The following PLD1 variants were observed in gnomAD, a reference collection of about 807,000 sequenced individuals.
The protein encoded by PLD1 is choline phosphatase 1.
PLD1 carries 112 observed loss-of-function variants against 137.1 expected under a neutral mutation model. That is an observed-to-expected ratio of 0.82 (90% CI 0.70 to 0.96). The LOEUF (loss-of-function observed/expected upper bound fraction) is 0.96, where lower values mean the gene tolerates loss of function less well. PLD1 is among the 40% of genes least tolerant of loss of function. PLD1 has a pLI of 0.00. For missense variants in PLD1, 1,321 were observed against 1,342.0 expected, an observed-to-expected ratio of 0.98 and a Z score of 0.24; for synonymous variants, 431 against 454.7, an observed-to-expected ratio of 0.95 and a Z score of 0.66.
chr3:171,666,503 AT>A (rs1333972666), intron 19 of PLD1, among the ~76,000 whole-genome samples: 3 of 152,228 alleles, frequency 2.0e-5, no homozygotes, highest in African/African-American at 7.2e-5. Context: ...TCAAGGTGAG[AT>A]TTGTGTGGAA....
chr3:171,756,864 C>G (rs1362930166), intron 1 of PLD1, among the ~76,000 whole-genome samples: 1 of 152,196 alleles, frequency 6.6e-6, no homozygotes, highest in African/African-American at 2.4e-5. Context: ...TCCGTCAATA[C>G]ACTAAAAATC....
chr3:171,775,371 A>G (rs1306197979), intron 1 of PLD1, among the ~76,000 whole-genome samples: 1 of 152,110 alleles, frequency 6.6e-6, no homozygotes, highest in African/African-American at 2.4e-5. Context: ...TGACATATTT[A>G]CTTCTTTGCA....
chr3:171,624,875 A>G (rs1367876329), intron 23 of PLD1, among the ~76,000 whole-genome samples: 1 of 152,192 alleles, frequency 6.6e-6, no homozygotes, highest in East Asian at 1.9e-4. Flanking sequence ...AAGAAACACA[A>G]CAAGATTAAC....
intron 19 of PLD1, among the ~76,000 whole-genome samples, chr3:171,669,425 C>T (rs946739267): frequency 6.6e-6 from 1 of 152,026 alleles, no homozygotes; most frequent in African/African-American, 2.4e-5. Flanking sequence ...GTTTTTTAGA[C>T]GAGTTTTGCT....
At chr3:171,684,954 C>T (rs1415970322) in intron 16 of PLD1, among the ~76,000 whole-genome samples, 1 of 152,198 alleles carries the variant, frequency 6.6e-6, no homozygotes, top group African/African-American at 2.4e-5. Context: ...TTAACAGTTA[C>T]ACTGAAGTTT....
intron 1 of PLD1, among the ~76,000 whole-genome samples, chr3:171,785,360 T>C (rs921579786): frequency 3.9e-5 from 6 of 152,096 alleles, no homozygotes; most frequent in African/African-American, 9.7e-5. Flanking sequence ...CAAAATACTG[T>C]GTCATGTCAA....
At chr3:171,657,696 G>T (rs12107937) in intron 21 of PLD1, among the ~76,000 whole-genome samples, 3 of 151,842 alleles carry the variant, frequency 2.0e-5, no homozygotes, top group Non-Finnish European at 4.4e-5. Flanking sequence ...ATTCCCAGGA[G>T]AAAACAGGCA....
chr3:171,621,705 G>C (rs771016291), intron 23 of PLD1, among the ~76,000 whole-genome samples: 1 of 152,184 alleles, frequency 6.6e-6, no homozygotes, highest in South Asian at 2.1e-4. Context: ...CCATGTGTAA[G>C]AGATGCATTT....
At chr3:171,610,967 G>A (rs1560141834) in intron 25 of PLD1, among the ~76,000 whole-genome samples, 1 of 152,200 alleles carries the variant, frequency 6.6e-6, no homozygotes, top group African/African-American at 2.4e-5. Flanking sequence ...CCGAAGTCTG[G>A]ATTGGTAGGA....
Position 171,620,641 on chromosome 3 carries a change from GTA to G in PLD1, c.2594-123_2594-122del, listed in dbSNP as rs1398599031. On this transcript the variant is annotated intron_variant, in intron 23 of 26. Transcript: ENST00000351298. Reference sequence around the variant, plus strand: ...GTTCAGAATAGATTGTATATTATATGTATATGTTTTCTATTTCAGAATTCATC... The same window carrying G: ...GTTCAGAATAGATTGTATATTATATGTATGTTTTCTATTTCAGAATTCATC... 5.9e-5 allele frequency: 25 copies of G among 423,500 alleles called. No homozygotes were observed. In the South Asian group the frequency reaches 1.6e-3, roughly 27 times the overall value. The allele number at this position is 423,500 out of a possible 1,614,324, so 26.2% of individuals were successfully genotyped here.
intron 1 of PLD1, among the ~76,000 whole-genome samples, chr3:171,752,226 T>C (rs1720716498): frequency 6.6e-6 from 1 of 152,196 alleles, no homozygotes; most frequent in South Asian, 2.1e-4. Context: ...TCCTGTTAGG[T>C]TGTCTATGGA....
intron 6 of PLD1, among the ~76,000 whole-genome samples, chr3:171,730,230 T>G (rs769959978): frequency 1.3e-5 from 2 of 152,214 alleles, no homozygotes. Flanking sequence ...TTTTTTTGTA[T>G]GTTATTACAC....
chr3:171,734,845 A>G lies in PLD1; in HGVS notation c.540+20T>C, dbSNP rs746728780. The G allele has an allele frequency of 6.1e-6, 9 of 1,481,444 alleles. No homozygotes were observed. The highest frequency in any genetic ancestry group is 4.5e-5 in the South Asian group (4 of 88,150). The allele number at this position is 1,481,444 out of a possible 1,614,324, so 91.8% of individuals were successfully genotyped here. A position where few individuals can be genotyped will look rare whatever the true frequency, so the allele number is the denominator to read the frequency against. ...ACTGCAAAATTAGGTTTAAAACCAC[A>G]GAATAGTGAAGAAACTTACTCTTCT... On this transcript the variant is annotated intron_variant, in intron 5 of 26. Transcript: ENST00000351298.
At position 171,699,821 on chromosome 3, in the gene PLD1, C is replaced by G; in HGVS notation, c.1151G>C (p.Ser384Thr). Residue 384 changes from serine to threonine, a missense_variant, in exon 12 of 27, where the codon AGT (serine) becomes ACT (threonine). Coordinates refer to ENST00000351298, the MANE Select transcript of PLD1 (RefSeq NM_002662.5). ...TGGGCGTTTCAGGAAGATTTCTGGACTCAGCCTGAAACAATGAAACCAAGA... is the reference window on the plus strand; with the variant it reads ...TGGGCGTTTCAGGAAGATTTCTGGAGTCAGCCTGAAACAATGAAACCAAGA... The part of the protein sequence containing the change: ...EEIFITDWWL[S>T]PEIFLKRPVV... 1 of 1,612,732 alleles carries G rather than the reference C, an allele frequency of 6.2e-7. No homozygotes were observed. Among genetic ancestry groups the G allele is most frequent in the Non-Finnish European group, 8.5e-7 (1 of 1,178,828 alleles).
chr3:171,794,991 C>T (rs1723374858), intron 1 of PLD1, among the ~76,000 whole-genome samples: 2 of 152,324 alleles, frequency 1.3e-5, no homozygotes, highest in South Asian at 4.1e-4. Context: ...TATGCGCATG[C>T]ACATTTTCTG....
chr3:171,645,196 C>T (rs1202336512), intron 21 of PLD1, among the ~76,000 whole-genome samples, 173 bp from the exon 22 acceptor site: 3 of 152,186 alleles, frequency 2.0e-5, no homozygotes, highest in Non-Finnish European at 4.4e-5. Context: ...AAGACAGAAG[C>T]TGTCATCCAG....
intron 19 of PLD1, among the ~76,000 whole-genome samples, chr3:171,674,110 G>A (rs1713078845): frequency 2.0e-5 from 3 of 152,178 alleles, no homozygotes; most frequent in African/African-American, 4.8e-5. Context: ...GAAGACATTT[G>A]GTTAATCAGG....
intron 23 of PLD1, among the ~76,000 whole-genome samples, chr3:171,628,496 C>T (rs1393157477): frequency 6.6e-6 from 1 of 152,054 alleles, no homozygotes; most frequent in Non-Finnish European, 1.5e-5. Context: ...AGGGAATCCT[C>T]CCTAACTCAT....
At chr3:171,778,730 G>C (rs372066075) in intron 1 of PLD1, among the ~76,000 whole-genome samples, 2 of 152,266 alleles carry the variant, frequency 1.3e-5, no homozygotes, top group Non-Finnish European at 2.9e-5. Context: ...ACAGTAGAGG[G>C]TGTAGTGAGA....
Sources: gnomAD v4.1 joint callset for allele counts (sites outside exome capture counted in the v4.1 genomes callset) on GRCh38, gnomAD v4.1.1 for gene constraint, MANE v1.5 for transcripts, NCBI Gene and HGNC (gene_info 2026-07-23, HGNC 2026-07-21) for gene names.